NSMCE2: variants seen among roughly 807,000 people sequenced by gnomAD.
The protein encoded by NSMCE2 is E3 SUMO-protein ligase NSE2.
NSMCE2 carries 24 observed loss-of-function variants against 23.8 expected under a neutral mutation model. The ratio of observed to expected loss-of-function variants is 1.01; its 90% CI spans 0.73 to 1.42. The LOEUF (loss-of-function observed/expected upper bound fraction) is 1.42. Among genes scored for constraint, NSMCE2 ranks in the 40% most tolerant of loss-of-function variants. The probability of loss-of-function intolerance (pLI) is 0.00; values close to 1 mark genes in which losing one functional copy is unlikely to be tolerated. For synonymous variants in NSMCE2, 92 were observed against 94.1 expected, an observed-to-expected ratio of 0.98 and a Z score of 0.13; for missense variants, 284 against 296.5, an observed-to-expected ratio of 0.96 and a Z score of 0.31.
chr8:125,343,247 A>G (rs937418835), intron 5 of NSMCE2, among the ~76,000 whole-genome samples: 3 of 152,216 alleles, frequency 2.0e-5, no homozygotes, highest in Admixed American at 6.5e-5. Flanking sequence ...AGATGTGACA[A>G]CTTATAACAC....
intron 3 of NSMCE2, among the ~76,000 whole-genome samples, chr8:125,133,930 A>G (rs934979864): frequency 6.6e-6 from 1 of 152,168 alleles, no homozygotes; most frequent in Non-Finnish European, 1.5e-5. Flanking sequence ...AGGACTTGTT[A>G]AACTGCAGAT....
chr8:125,307,866 A>G (rs1334855353), intron 5 of NSMCE2, among the ~76,000 whole-genome samples: 1 of 152,208 alleles, frequency 6.6e-6, no homozygotes, highest in Admixed American at 6.5e-5. Flanking sequence ...GATCTCACCC[A>G]CAGATGTGTT....
chr8:125,216,066 C>T (rs1824567853), intron 5 of NSMCE2, among the ~76,000 whole-genome samples: 1 of 152,088 alleles, frequency 6.6e-6, no homozygotes, highest in Non-Finnish European at 1.5e-5. Context: ...TTAAAACAAA[C>T]AAACAAAAAA....
chr8:125,355,425 C>T (rs1207379267), intron 5 of NSMCE2, among the ~76,000 whole-genome samples: 2 of 152,164 alleles, frequency 1.3e-5, no homozygotes, highest in African/African-American at 4.8e-5. Context: ...TTTGGCTGGG[C>T]CCCGTGGCTC....
intron 5 of NSMCE2, among the ~76,000 whole-genome samples, chr8:125,286,946 G>A (rs760548939): frequency 2.6e-5 from 4 of 152,112 alleles, no homozygotes; most frequent in African/African-American, 4.8e-5. Flanking sequence ...TTCAGTAGAC[G>A]CCAATTGGGA....
chr8:125,316,357 T>C (rs146888514), intron 5 of NSMCE2, among the ~76,000 whole-genome samples: 3,397 of 152,284 alleles, frequency 0.022, 115 homozygotes, highest in South Asian at 0.16. Flanking sequence ...CTTGGGAAAA[T>C]AGAACTTCCA....
chr8:125,198,899 T>A (rs970354666), intron 5 of NSMCE2, among the ~76,000 whole-genome samples: 1 of 152,236 alleles, frequency 6.6e-6, no homozygotes, highest in Non-Finnish European at 1.5e-5. Flanking sequence ...TTCCACTTCT[T>A]CCTGGTGTAG....
chr8:125,173,562 C>T (rs1360826531), intron 4 of NSMCE2, among the ~76,000 whole-genome samples: 2 of 152,112 alleles, frequency 1.3e-5, no homozygotes, highest in African/African-American at 4.8e-5. Context: ...TAGCATCATA[C>T]CATCATTGTA....
intron 5 of NSMCE2, among the ~76,000 whole-genome samples, chr8:125,333,761 C>T (rs1403740962): frequency 6.6e-6 from 1 of 151,980 alleles, no homozygotes; most frequent in Non-Finnish European, 1.5e-5. Flanking sequence ...GATCCGCCCG[C>T]CTCGGCCTCC....
intron 5 of NSMCE2, among the ~76,000 whole-genome samples, chr8:125,249,391 A>T (rs1763540495): frequency 6.6e-6 from 1 of 152,244 alleles, no homozygotes; most frequent in Admixed American, 6.5e-5. Context: ...TTTGGAGCTT[A>T]TAAGAATCCC....
intron 5 of NSMCE2, among the ~76,000 whole-genome samples, chr8:125,221,936 CT>C (rs1421184239): frequency 2.0e-4 from 30 of 152,150 alleles, no homozygotes; most frequent in African/African-American, 7.2e-4. Flanking sequence ...CACACAGGGC[CT>C]AGCATAAAGT....
Position 125,203,334 on chromosome 8 carries a change from C to G in NSMCE2, c.418+21078C>G, listed in dbSNP as rs530406040. 3.1e-3 allele frequency among the ~76,000 whole-genome samples: 466 copies of G among 152,102 alleles called. 2 individuals carry two copies. The highest frequency in any genetic ancestry group is 0.011 in the African/African-American group (448 of 41,470). ...TATAGACTGTATCATACCCATGGAC[C>G]TTGCATAACTAATATCTAGAAAGAG... On this transcript the variant is annotated intron_variant, in intron 5 of 7. Transcript: ENST00000287437.
chr8:125,302,924 T>G (rs1828620279), intron 5 of NSMCE2, among the ~76,000 whole-genome samples: 1 of 152,110 alleles, frequency 6.6e-6, no homozygotes, highest in Non-Finnish European at 1.5e-5. Context: ...GGACAAAGAA[T>G]CTGAGCACAC....
At chr8:125,108,498 A>C (rs1818578677) in intron 3 of NSMCE2, among the ~76,000 whole-genome samples, 1 of 152,230 alleles carries the variant, frequency 6.6e-6, no homozygotes, top group South Asian at 2.1e-4. Context: ...TGTAACTTTG[A>C]GTAAGGTACC....
At chr8:125,296,882 T>A (rs12680080) in intron 5 of NSMCE2, among the ~76,000 whole-genome samples, 5,163 of 152,278 alleles carry the variant, frequency 0.034, 182 homozygotes, top group South Asian at 0.18. Context: ...TTTTTTCTCT[T>A]AAGAAATTAG....
intron 5 of NSMCE2, among the ~76,000 whole-genome samples, chr8:125,219,400 G>T (rs1430431189): frequency 6.6e-6 from 1 of 152,124 alleles, no homozygotes; most frequent in Non-Finnish European, 1.5e-5. Context: ...TATTAACACA[G>T]TGCCTGGCAG....
At chr8:125,272,937 C>G (rs974872955) in intron 5 of NSMCE2, among the ~76,000 whole-genome samples, 1 of 151,782 alleles carries the variant, frequency 6.6e-6, no homozygotes, top group East Asian at 1.9e-4. Context: ...GACTTGGGAG[C>G]TAGGCCAGGG....
At chr8:125,154,834 C>A (rs1252516059) in intron 4 of NSMCE2, among the ~76,000 whole-genome samples, 1 of 152,110 alleles carries the variant, frequency 6.6e-6, no homozygotes, top group African/African-American at 2.4e-5. Flanking sequence ...ATATTGAGAA[C>A]AGAATGATGT....
intron 4 of NSMCE2, among the ~76,000 whole-genome samples, chr8:125,153,630 C>G (rs1313329809): frequency 1.3e-5 from 2 of 152,182 alleles, no homozygotes; most frequent in Non-Finnish European, 1.5e-5. Context: ...TTTTCCAGCC[C>G]TGGTTCTTCT....
Sources: allele counts gnomAD v4.1 joint callset (sites outside exome capture counted in the v4.1 genomes callset), GRCh38; gene constraint gnomAD v4.1.1; transcripts MANE v1.5; gene names NCBI Gene and HGNC (gene_info 2026-07-23, HGNC 2026-07-21).